Variants in SLC38A8 observed in about 807,000 individuals in gnomAD.
SLC38A8 encodes the protein solute carrier family 38 member 8.
SLC38A8 carries 65 observed loss-of-function variants against 46.0 expected under a neutral mutation model. The ratio of observed to expected loss-of-function variants is 1.41; its 90% confidence interval spans 1.16 to 1.74. The LOEUF is 1.74. Among genes scored for constraint, SLC38A8 ranks in the 40% most tolerant of loss-of-function variants. SLC38A8 has a pLI of 0.00. For synonymous variants in SLC38A8, 447 were observed against 243.7 expected (o/e 1.83, Z -7.77); for missense variants, 998 against 567.9 (o/e 1.76, Z -7.70).
Position 84,019,102 on chromosome 16 carries a change from A to T in SLC38A8, c.806-1815T>A, listed in dbSNP as rs143699883. On this transcript the variant is annotated intron_variant, in intron 7 of 10. Transcript: ENST00000299709. ...AAAAAAAATTTTTTTTTTTTTTGAG[A>T]TGGAGTCTGTCACCCAGGCTGGATT... Among the ~76,000 whole-genome samples the T allele has an allele frequency of 3.9e-3, 584 of 150,798 alleles. 2 individuals are homozygous for T. Among genetic ancestry groups the T allele is most frequent in the Middle Eastern group, 0.01 (3 of 294 alleles).
chr16:84,038,780 T>C (rs2085331855), intron 2 of SLC38A8, among the ~76,000 whole-genome samples: 1 of 152,002 alleles, frequency 6.6e-6, no homozygotes. Flanking sequence ...CTTTACGTAA[T>C]TCCTGGCTAC....
In SLC38A8 at chr16:84,031,887, A is replaced by G. The variant is rs1293414401; in HGVS notation, c.612T>C (p.Arg204=). 2 of 1,614,082 alleles carry G rather than the reference A, an allele frequency of 1.2e-6. No homozygotes were observed. The highest frequency in any genetic ancestry group is 1.7e-6 in the Non-Finnish European group (2 of 1,179,990). Residue 204 remains arginine (R), a synonymous_variant, in exon 5 of 11, where the codon CGT becomes CGC. Coordinates refer to ENST00000299709, the MANE Select transcript of SLC38A8 (RefSeq NM_001080442.3). ...QYYLWPQGLV[R]ESHPSLSPAS... ...CTTACCTCAGTGAAGGATGGGACTC[A>G]CGCACGAGGCCCTGGGGCCAGAGGT...
chr16:84,030,001 G>A (rs1349554354), intron 5 of SLC38A8, among the ~76,000 whole-genome samples: 2 of 152,184 alleles, frequency 1.3e-5, no homozygotes, highest in African/African-American at 2.4e-5. Flanking sequence ...CCAGCCTCTT[G>A]GGATCCCCGC....
At chr16:84,031,494 C>A (rs550461941) in intron 5 of SLC38A8, among the ~76,000 whole-genome samples, 97 of 152,346 alleles carry the variant, frequency 6.4e-4, no homozygotes, top group Non-Finnish European at 1.2e-3. Flanking sequence ...GCCCTTGTTC[C>A]GGCTGGCTTG....
intron 2 of SLC38A8, among the ~76,000 whole-genome samples, chr16:84,038,262 G>C (rs558071871): frequency 1.3e-5 from 2 of 151,754 alleles, no homozygotes; most frequent in South Asian, 2.1e-4. Context: ...AGTAAGCTGA[G>C]ATCGTGCCAC....
chr16:84,026,079 G>A (rs774238051), intron 6 of SLC38A8, among the ~76,000 whole-genome samples: 1 of 152,264 alleles, frequency 6.6e-6, no homozygotes, highest in African/African-American at 2.4e-5. Flanking sequence ...GATGCCCCGA[G>A]GTGGGGAGTC....
Position 84,036,745 on chromosome 16 carries a change from G to C in SLC38A8, c.345C>G (p.Ile115Met), listed in dbSNP as rs751016030. The C allele has an allele frequency of 4.3e-6, 7 of 1,614,238 alleles. No individual in the cohort carries two copies. Among genetic ancestry groups the C allele is most frequent in the Middle Eastern group, 1.7e-4 (1 of 6,052 alleles). The change falls in exon 3 of 11, where the codon ATC (isoleucine) becomes ATG (methionine). Residue 115 changes from isoleucine (I) to methionine (M), a missense_variant. By Grantham distance (10) the Ile-to-Met change is conservative (BLOSUM62 1). Transcript: ENST00000299709. ...CGATCACCCTGAGGAAGGCCACGGAGATCATGAGCAGGTTGAGGAGGAAGC... is the reference window on the plus strand; with the variant it reads ...CGATCACCCTGAGGAAGGCCACGGACATCATGAGCAGGTTGAGGAGGAAGC... ...EACFLLNLLM[I>M]SVAFLRVIGD... is the part of the protein sequence containing the mutation.
At chr16:84,026,418 G>C (rs1458186453) in intron 6 of SLC38A8, among the ~76,000 whole-genome samples, 4 of 152,178 alleles carry the variant, frequency 2.6e-5, no homozygotes, top group Non-Finnish European at 4.4e-5. Context: ...GTGAAGATGG[G>C]GTTTCACCAT....
At chr16:84,017,691 G>C (rs1012156594) in intron 7 of SLC38A8, among the ~76,000 whole-genome samples, 2 of 152,204 alleles carry the variant, frequency 1.3e-5, no homozygotes, top group Non-Finnish European at 2.9e-5. Flanking sequence ...CCAAGAGCCA[G>C]GGCATCAACC....
intron 10 of SLC38A8, among the ~76,000 whole-genome samples, chr16:84,011,437 C>T (rs984334611): frequency 6.6e-6 from 1 of 152,170 alleles, no homozygotes; most frequent in African/African-American, 2.4e-5. Flanking sequence ...CAGAAGAAAC[C>T]GGGCCAGGCC....
intron 2 of SLC38A8, chr16:84,040,120 C>T (rs2085351825): frequency 6.6e-6 from 1 of 152,236 alleles, no homozygotes. Flanking sequence ...TTTAAACGCT[C>T]CCCATGCAGA....
chr16:84,016,705 T>C lies in SLC38A8; in HGVS notation c.976A>G (p.Arg326Gly). The C allele has an allele frequency of 1.9e-6, 3 of 1,612,918 alleles. No homozygotes were observed. The highest frequency in any genetic ancestry group is 2.5e-6 in the Non-Finnish European group (3 of 1,179,876). Residue 326 changes from arginine (R) to glycine (G), a missense_variant, in exon 9 of 11, where the codon AGG becomes GGG. Arg to Gly is a moderately radical substitution (Grantham distance 125, BLOSUM62 -2). Transcript: ENST00000299709. ...CCCCATCCCCCCAAGCAGCTCCTCC[T>C]CCAGAAGTCCTGCATCACTGACCTG... ...LGRSVMQDFWRRSCLGGWGPS... is the reference protein window; with the variant it reads ...LGRSVMQDFWGRSCLGGWGPS...
At chr16:84,021,020 T>G (rs2085088671) in intron 7 of SLC38A8, among the ~76,000 whole-genome samples, 1 of 152,178 alleles carries the variant, frequency 6.6e-6, no homozygotes, top group African/African-American at 2.4e-5. Context: ...AATGCTCTGC[T>G]CCTTGGATAT....
Position 84,031,904 on chromosome 16 carries a change from GC to G in SLC38A8, c.594del (p.Trp198CysfsTer13), listed in dbSNP as rs771106476. ...TGGGACTCACGCACGAGGCCCTGGG[GC>G]CAGAGGTAGTACTGCACGGTGATGA... Reference protein sequence around the residue: ...ALVITVQYYLWPQGLVRESHP... With the variant: ...ALVITVQYYLXPQGLVRESHP... On this transcript the variant is annotated frameshift_variant, in exon 5 of 11. Transcript: ENST00000299709. LOFTEE classifies it high-confidence loss of function. 6.2e-7 allele frequency: 1 copy of G among 1,614,208 alleles called. No individual in the cohort carries two copies. Among genetic ancestry groups the G allele is most frequent in the Non-Finnish European group, 8.5e-7 (1 of 1,180,026 alleles).
At chr16:84,022,359 CCA>C (rs1262166423) in intron 7 of SLC38A8, among the ~76,000 whole-genome samples, 6 of 152,222 alleles carry the variant, frequency 3.9e-5, no homozygotes, top group Non-Finnish European at 7.3e-5. Flanking sequence ...CCTCTGCCTC[CCA>C]CACACAGTTT....
chr16:84,014,299 G>A (rs1033641090), intron 9 of SLC38A8, among the ~76,000 whole-genome samples: 3 of 150,932 alleles, frequency 2.0e-5, no homozygotes, highest in African/African-American at 7.3e-5. Context: ...CTCGCCCACA[G>A]CCTGAATAAG....
intron 9 of SLC38A8, among the ~76,000 whole-genome samples, 190 bp downstream of exon 9, chr16:84,016,329 A>C (rs1009762939): frequency 2.6e-5 from 4 of 152,204 alleles, no homozygotes; most frequent in African/African-American, 9.7e-5. Context: ...GAGATGTTTA[A>C]TGAGTGAGGG....
At chr16:84,025,717 AG>A (rs2085155976) in intron 6 of SLC38A8, among the ~76,000 whole-genome samples, 2 of 152,216 alleles carry the variant, frequency 1.3e-5, no homozygotes. Context: ...CAAGGAAACA[AG>A]CCCAGCACAG....
intron 4 of SLC38A8, among the ~76,000 whole-genome samples, chr16:84,032,798 C>T (rs1194998453): frequency 6.6e-6 from 1 of 152,144 alleles, no homozygotes; most frequent in Non-Finnish European, 1.5e-5. Flanking sequence ...TTTATTTCTT[C>T]CTAAGTATAC....
Sources: gnomAD v4.1 joint callset for allele counts (sites outside exome capture counted in the v4.1 genomes callset) on GRCh38, gnomAD v4.1.1 for gene constraint, MANE v1.5 for transcripts, NCBI Gene and HGNC (gene_info 2026-07-23, HGNC 2026-07-21) for gene names.